The following TCF4 variants were observed in gnomAD, a reference collection of about 807,000 sequenced individuals.
TCF4 encodes the protein transcription factor 4, also known as SL3-3 enhancer factor 2.
A neutral mutation model predicts 82.1 loss-of-function variants in TCF4; 3 were observed. That is an observed-to-expected ratio of 0.04 (90% CI 0.02 to 0.09). The LOEUF (loss-of-function observed/expected upper bound fraction) is 0.09. Ranked by LOEUF, TCF4 falls within the 10% of genes least tolerant of loss-of-function variation. The pLI is 1.00. For synonymous variants in TCF4, 276 were observed against 309.6 expected (o/e 0.89, Z 1.14); for missense variants, 518 against 852.7 (o/e 0.61, Z 4.89).
chr18:55,414,682 A>T (rs1002436846), intron 5 of TCF4, among the ~76,000 whole-genome samples: 4 of 152,060 alleles, frequency 2.6e-5, no homozygotes, highest in African/African-American at 9.7e-5. Context: ...CACCCAGGCA[A>T]TGGTAGAGAG....
At chr18:55,526,710 T>G (rs1257356935) in intron 3 of TCF4, among the ~76,000 whole-genome samples, 1 of 152,170 alleles carries the variant, frequency 6.6e-6, no homozygotes, top group Non-Finnish European at 1.5e-5. Context: ...TGGGCCCCTT[T>G]CATTACTCTG....
At chr18:55,392,778 T>C (rs1451915241) in intron 6 of TCF4, among the ~76,000 whole-genome samples, 1 of 152,194 alleles carries the variant, frequency 6.6e-6, no homozygotes, top group Non-Finnish European at 1.5e-5. Context: ...TTCATATATA[T>C]AGACATACAT....
At chr18:55,262,277 T>C (rs2058227778) in intron 11 of TCF4, among the ~76,000 whole-genome samples, 1 of 152,172 alleles carries the variant, frequency 6.6e-6, no homozygotes, top group African/African-American at 2.4e-5. Context: ...AAAAGACATA[T>C]ATTACAGTAT....
intron 6 of TCF4, among the ~76,000 whole-genome samples, chr18:55,354,788 T>C (rs979892955): frequency 2.6e-5 from 4 of 151,996 alleles, no homozygotes; most frequent in African/African-American, 9.7e-5. Flanking sequence ...ATCTAATAGG[T>C]GAATGACCTT....
chr18:55,391,594 A>G (rs1321723602), intron 6 of TCF4, among the ~76,000 whole-genome samples: 1 of 151,960 alleles, frequency 6.6e-6, no homozygotes, highest in Admixed American at 6.6e-5. Flanking sequence ...CCCAAGTGGA[A>G]CCAAACGACC....
upstream of TCF4, chr18:55,588,757 G>T: frequency 8.2e-7 from 1 of 1,226,556 alleles, no homozygotes; most frequent in Non-Finnish European, 1.0e-6. Flanking sequence ...CGTTTCGGTA[G>T]TTTTGCGTTG....
intron 3 of TCF4, among the ~76,000 whole-genome samples, chr18:55,575,490 T>C (rs1170117772): frequency 6.6e-6 from 1 of 152,352 alleles, no homozygotes; most frequent in Middle Eastern, 3.4e-3. Context: ...CCTTTACTTT[T>C]TGAAAAGTGA....
intron 5 of TCF4, among the ~76,000 whole-genome samples, chr18:55,418,634 A>G (rs1320214627): frequency 6.6e-6 from 1 of 152,202 alleles, no homozygotes; most frequent in Non-Finnish European, 1.5e-5. Flanking sequence ...GAATATGAGA[A>G]AAAAGGGATA....
upstream of TCF4, chr18:55,589,405 G>A: frequency 9.5e-7 from 1 of 1,054,988 alleles, no homozygotes; most frequent in Non-Finnish European, 1.1e-6. Flanking sequence ...TCCCCAAAAA[G>A]TATTTTAACT....
At chr18:55,535,083 G>A (rs898061801) in intron 3 of TCF4, among the ~76,000 whole-genome samples, 6 of 152,156 alleles carry the variant, frequency 3.9e-5, no homozygotes, top group Admixed American at 2.0e-4. Flanking sequence ...CTTTACCATA[G>A]CCAACACATC....
chr18:55,387,839 T>C (rs2092723989), intron 6 of TCF4, among the ~76,000 whole-genome samples: 1 of 152,230 alleles, frequency 6.6e-6, no homozygotes, highest in Non-Finnish European at 1.5e-5. Context: ...TATTACTTCA[T>C]GGTCTAGGTG....
intron 8 of TCF4, among the ~76,000 whole-genome samples, chr18:55,302,966 C>T (rs1197984555): frequency 6.6e-6 from 1 of 151,990 alleles, no homozygotes; most frequent in African/African-American, 2.4e-5. Flanking sequence ...TAAAGAGAGC[C>T]CAGTTGTCAA....
At chr18:55,489,456 G>A (rs1176904806) in intron 3 of TCF4, among the ~76,000 whole-genome samples, 1 of 152,092 alleles carries the variant, frequency 6.6e-6, no homozygotes, top group South Asian at 2.1e-4. Context: ...AGTACCAGGC[G>A]AGTATCAGGG....
rs563496562 is a variant in TCF4, at chr18:55,546,582, GT to G, written c.145+38697del. ...GTTGTAGTGGATTGTATTTCTATTT[GT>G]TTTTCAATAACAAAAGAGGGCCTGG... On this transcript the variant is annotated intron_variant, in intron 3 of 19. Transcript: ENST00000354452. Among the ~76,000 whole-genome samples, 13 of 152,150 alleles carry G rather than the reference GT, an allele frequency of 8.5e-5. No individual in the cohort carries two copies. In the South Asian group the frequency reaches 1.7e-3, roughly 19 times the overall value.
rs896929777 is a variant in TCF4 at position 55,349,251 on chromosome 18, G to C, written c.549+1108C>G. On this transcript the variant is annotated intron_variant, in intron 8 of 19. Transcript: ENST00000354452. ...GCATACAAAATTTACTCTTTTTCCTGATAAGACTTATTCTGATATATTCAT... is the reference window on the plus strand; with the variant it reads ...GCATACAAAATTTACTCTTTTTCCTCATAAGACTTATTCTGATATATTCAT... Among the ~76,000 whole-genome samples, 3 of 151,978 alleles carry C rather than the reference G, an allele frequency of 2.0e-5. No individual in the cohort carries two copies. In the South Asian group the frequency reaches 6.2e-4, roughly 32 times the overall value.
chr18:55,250,848 C>T (rs568447933), intron 15 of TCF4, among the ~76,000 whole-genome samples: 23 of 152,124 alleles, frequency 1.5e-4, no homozygotes, highest in African/African-American at 4.8e-4. Flanking sequence ...CACAGCTATG[C>T]GGAGCTGGTT....
At chr18:55,425,360 TC>T (rs2094934137) in intron 5 of TCF4, among the ~76,000 whole-genome samples, 2 of 151,732 alleles carry the variant, frequency 1.3e-5, no homozygotes, top group African/African-American at 2.4e-5. Context: ...TTTTTTTTTT[TC>T]TTTTGAGGAT....
At chr18:55,582,303 T>C (rs945750341) in intron 3 of TCF4, among the ~76,000 whole-genome samples, 7 of 152,144 alleles carry the variant, frequency 4.6e-5, no homozygotes, top group Non-Finnish European at 1.0e-4. Context: ...ATATAACGGA[T>C]ATTAAATCCC....
At chr18:55,303,591 AT>A (rs1398541446) in intron 8 of TCF4, among the ~76,000 whole-genome samples, 1 of 152,204 alleles carries the variant, frequency 6.6e-6, no homozygotes, top group Non-Finnish European at 1.5e-5. Context: ...GGTATCATGG[AT>A]TCTGTAATAA....
Sources: gnomAD v4.1 joint callset for allele counts (sites outside exome capture counted in the v4.1 genomes callset) on GRCh38, gnomAD v4.1.1 for gene constraint, MANE v1.5 for transcripts, NCBI Gene and HGNC (gene_info 2026-07-23, HGNC 2026-07-21) for gene names.